Variants in PDE1B observed in about 807,000 individuals in gnomAD.
The protein encoded by PDE1B is phosphodiesterase 1B, also known as dual specificity calcium/calmodulin-dependent 3',5'-cyclic nucleotide phosphodiesterase 1B.
In PDE1B, 13 loss-of-function variants were observed where a neutral mutation model predicts 66.7. The ratio of observed to expected loss-of-function variants is 0.19; its 90% CI spans 0.13 to 0.31. PDE1B has a LOEUF of 0.31. Ranked by LOEUF, PDE1B falls within the 10% of genes least tolerant of loss-of-function variation. The pLI, the probability that PDE1B is intolerant of heterozygous loss-of-function variation, is 1.00. For synonymous variants in PDE1B, 230 were observed against 253.9 expected, an observed-to-expected ratio of 0.91 and a Z score of 0.90; for missense variants, 485 against 682.3, an observed-to-expected ratio of 0.71 and a Z score of 3.22.
At chr12:54,576,367 T>C in intron 13 of PDE1B, 1 of 631,682 alleles carries the variant, frequency 1.6e-6, no homozygotes, top group South Asian at 2.0e-5. Context: ...ATTTTCCTTC[T>C]ACCAGGAGGG....
intron 15 of PDE1B, chr12:54,577,552 C>A: frequency 6.5e-7 from 1 of 1,539,164 alleles, no homozygotes; most frequent in Non-Finnish European, 8.7e-7. Context: ...CCTGCAGGAA[C>A]AAAGGAGGTA....
chr12:54,572,814 TC>T, intron 7 of PDE1B, 73 bp downstream of exon 7: 2 of 1,437,694 alleles, frequency 1.4e-6, no homozygotes, highest in Non-Finnish European at 1.9e-6. Flanking sequence ...TAGACTGTAC[TC>T]CCATTTCCAT....
intron 3 of PDE1B, among the ~76,000 whole-genome samples, chr12:54,567,877 G>A (rs1957544809): frequency 6.6e-6 from 1 of 151,320 alleles, no homozygotes; most frequent in South Asian, 2.1e-4. Flanking sequence ...TTTGTTTTGA[G>A]ACAGAGTTTA....
intron 2 of PDE1B, among the ~76,000 whole-genome samples, chr12:54,551,975 A>G (rs1413713601): frequency 1.3e-5 from 2 of 152,186 alleles, no homozygotes; most frequent in Non-Finnish European, 2.9e-5. Flanking sequence ...ATTTACAAGT[A>G]AAAAATAAAG....
intron 6 of PDE1B, chr12:54,571,227 G>A (rs368170990): frequency 1.3e-5 from 2 of 152,194 alleles, no homozygotes; most frequent in East Asian, 3.9e-4. Context: ...GTGCATGTAA[G>A]CCCTTCCTTC....
chr12:54,560,865 C>A (rs969116638), intron 2 of PDE1B, among the ~76,000 whole-genome samples: 1 of 152,090 alleles, frequency 6.6e-6, no homozygotes, highest in East Asian at 1.9e-4. Flanking sequence ...TTTGCCCAAT[C>A]CCTTGGTTTC....
chr12:54,577,775 G>C, intron 15 of PDE1B, 85 bp from the exon 16 acceptor site: 1 of 434,482 alleles, frequency 2.3e-6, no homozygotes, highest in Non-Finnish European at 4.0e-6. Context: ...TCGGGACTGA[G>C]TGGGGATCAG....
In PDE1B at chr12:54,578,549, G is replaced by A. The variant is rs555090173; in HGVS notation, c.*707G>A. On this transcript the variant is annotated 3_prime_UTR_variant, in exon 16 of 16. Transcript: ENST00000243052. Reference sequence around the variant, plus strand: ...GGGCAAAAGGAGCCATTGTGACCAGGGGCTGCGGGAGGCCTTTCCTGGGAC... The same window carrying A: ...GGGCAAAAGGAGCCATTGTGACCAGAGGCTGCGGGAGGCCTTTCCTGGGAC... The A allele has an allele frequency of 1.3e-5, 2 of 152,486 alleles. No individual in the cohort carries two copies. Among genetic ancestry groups the A allele is most frequent in the South Asian group, 4.1e-4 (2 of 4,832 alleles). The allele number at this position is 152,486 out of a possible 1,614,324, so 9.4% of individuals were successfully genotyped here.
In PDE1B at chr12:54,566,676, T is replaced by C. The variant is rs138192239; in HGVS notation, c.114-298T>C. On this transcript the variant is annotated intron_variant, in intron 2 of 15. Coordinates refer to ENST00000243052, the MANE Select transcript of PDE1B (RefSeq NM_000924.4). ...CCTAATTCTGCTGGGCCCTGGCATT[T>C]TAAACAAGACTAAGCACTGACTAAA... Among the ~76,000 whole-genome samples, 401 of 152,286 alleles carry C rather than the reference T, an allele frequency of 2.6e-3. 1 individual carries two copies. Among genetic ancestry groups the C allele is most frequent in the Non-Finnish European group, 4.9e-3 (331 of 68,026 alleles).
intron 2 of PDE1B, among the ~76,000 whole-genome samples, chr12:54,560,257 G>T (rs1957388196): frequency 6.6e-6 from 1 of 152,174 alleles, no homozygotes. Context: ...ATTCTTCAAG[G>T]CTTTGGCATA....
chr12:54,576,797 T>G, intron 14 of PDE1B, 96 bp downstream of exon 14: 1 of 1,325,542 alleles, frequency 7.5e-7, no homozygotes, highest in Non-Finnish European at 1.1e-6. Flanking sequence ...GGGAAACCCT[T>G]TGCCGGACTC....
In PDE1B at chr12:54,576,560, TCTG is replaced by T; in HGVS notation, c.1377-8_1377-6del. 1.2e-6 allele frequency: 2 copies of T among 1,613,960 alleles called. No homozygotes were observed. The highest frequency in any genetic ancestry group is 2.2e-5 in the South Asian group (2 of 91,060). ...CTTACCTCTTGCGGCTTTTGGGGGT[TCTG>T]CTTCTAGCTTTCAGTGGCGCCAGCC... On this transcript the variant is annotated splice_region_variant and splice_polypyrimidine_tract_variant and intron_variant, in intron 13 of 15. Coordinates refer to ENST00000243052, the MANE Select transcript of PDE1B (RefSeq NM_000924.4).
In PDE1B at chr12:54,569,233, G is replaced by A. The variant is rs1318082863; in HGVS notation, c.277G>A (p.Val93Met). The change falls in exon 4 of 16, where the codon GTG becomes ATG. Residue 93 changes from valine (V) to methionine (M), a missense_variant. Transcript: ENST00000243052. This position sits in a 1 kb window ranked among gnomAD's most constrained non-coding sequence, Gnocchi z 4.4. ...GCTGCAGGAGCTGCGGTCAGATGCC[G>A]TGCCTTCGGAGGTGCGGGACTGGCT... ...DELQELRSDAVPSEVRDWLAS... is the reference protein window; with the variant it reads ...DELQELRSDAMPSEVRDWLAS... 4 of 1,612,566 alleles carry A rather than the reference G, an allele frequency of 2.5e-6. No individual in the cohort carries two copies. Among genetic ancestry groups the A allele is most frequent in the African/African-American group, 1.3e-5 (1 of 74,890 alleles).
chr12:54,549,686 G>C lies in PDE1B; in HGVS notation c.-100G>C, dbSNP rs564269885. The C allele has an allele frequency of 2.6e-4, 129 of 490,072 alleles. No homozygotes were observed. Among genetic ancestry groups the C allele is most frequent in the African/African-American group, 2.4e-3 (122 of 49,990 alleles). The allele number at this position is 490,072 out of a possible 1,614,324, so 30.4% of individuals were successfully genotyped here. On this transcript the variant is annotated 5_prime_UTR_variant, in exon 1 of 16. Transcript: ENST00000243052. ...GGAGCCCAAAGCTCGGCTGGGCAGC[G>C]GGAGAGGAGGAGCCGCAGGAGCTGC...
chr12:54,574,808 CA>C (rs1006721158), intron 10 of PDE1B: 2 of 200,342 alleles, frequency 1.0e-5, no homozygotes, highest in South Asian at 8.9e-5. Flanking sequence ...CTGTCTCTAC[CA>C]AAAAAATACA....
intron 2 of PDE1B, among the ~76,000 whole-genome samples, chr12:54,556,358 C>T (rs563482592): frequency 6.6e-6 from 1 of 152,048 alleles, no homozygotes; most frequent in East Asian, 1.9e-4. Flanking sequence ...GGGAATTGAG[C>T]AGGGAAAAAA....
At chr12:54,550,050 G>T (rs1355172578) in intron 2 of PDE1B, 65 bp downstream of exon 2, 2 of 1,568,502 alleles carry the variant, frequency 1.3e-6, no homozygotes, top group African/African-American at 1.4e-5. Flanking sequence ...GGAGGAGGGG[G>T]GATAACTGGA....
At chr12:54,550,088 T>C (rs550994454) in intron 2 of PDE1B, 103 bp downstream of exon 2, 88 of 1,487,364 alleles carry the variant, frequency 5.9e-5, no homozygotes, top group Non-Finnish European at 7.4e-5. Context: ...TAGATTCTCT[T>C]TGGCACAGAT....
rs1163045439 is a variant in PDE1B at position 54,567,036 on chromosome 12, A to T, written c.176A>T (p.Asn59Ile). 1.9e-6 allele frequency: 3 copies of T among 1,612,086 alleles called. No individual in the cohort carries two copies. In the African/African-American group the frequency reaches 4.0e-5, roughly 22 times the overall value. ...GEINIEELKK[N>I]LEYTASLLEA... ...ATAAACATTGAGGAGCTGAAGAAAAATCTGGAGTACACAGCTTCTCTGCTG... is the reference window on the plus strand; with the variant it reads ...ATAAACATTGAGGAGCTGAAGAAAATTCTGGAGTACACAGCTTCTCTGCTG... Residue 59 changes from asparagine to isoleucine, a missense_variant, in exon 3 of 16, where the codon AAT becomes ATT. Around this residue, in one of 4 missense-constraint regions of PDE1B, gnomAD observed 74 missense variants for 78.7 expected, o/e 0.94. Coordinates refer to ENST00000243052, the MANE Select transcript of PDE1B (RefSeq NM_000924.4).
Sources: gnomAD v4.1 joint callset for allele counts (sites outside exome capture counted in the v4.1 genomes callset) on GRCh38, gnomAD v4.1.1 for gene constraint, gnomAD v4.1.1 regional missense constraint, Gnocchi (gnomAD v3.1) non-coding constraint, MANE v1.5 for transcripts, NCBI Gene and HGNC (gene_info 2026-07-23, HGNC 2026-07-21) for gene names.